GABBR2: variants seen among roughly 807,000 people sequenced by gnomAD.
GABBR2 encodes G-protein coupled receptor 51.
A neutral mutation model predicts 105.6 loss-of-function variants in GABBR2; 23 were observed. That is an observed-to-expected ratio of 0.22 (90% CI 0.16 to 0.31). The LOEUF (loss-of-function observed/expected upper bound fraction) is 0.31, where lower values mean the gene tolerates loss of function less well. Among genes scored for constraint, GABBR2 ranks in the 10% least tolerant of loss-of-function variants. The pLI is 1.00. For synonymous variants in GABBR2, 478 were observed against 499.7 expected, an observed-to-expected ratio of 0.96 and a Z score of 0.58; for missense variants, 734 against 1,245.5, an observed-to-expected ratio of 0.59 and a Z score of 6.18.
intron 12 of GABBR2, among the ~76,000 whole-genome samples, chr9:98,364,310 G>A (rs983940728): frequency 3.3e-5 from 5 of 152,220 alleles, no homozygotes; most frequent in Admixed American, 1.3e-4. Flanking sequence ...GGGATGGGTT[G>A]GAAGGAGCCT....
intron 8 of GABBR2, among the ~76,000 whole-genome samples, chr9:98,396,538 C>T (rs966250913): frequency 4.6e-5 from 7 of 152,326 alleles, no homozygotes; most frequent in African/African-American, 1.7e-4. Flanking sequence ...GGGGGCATCA[C>T]ACTGCGCAAG....
chr9:98,643,231 A>G (rs897774101), intron 1 of GABBR2, among the ~76,000 whole-genome samples: 4 of 152,236 alleles, frequency 2.6e-5, no homozygotes, highest in African/African-American at 9.6e-5. Context: ...GTGAGATCCT[A>G]GCAGAGGGAA....
chr9:98,479,307 A>T (rs952745168), intron 5 of GABBR2, among the ~76,000 whole-genome samples: 3 of 152,192 alleles, frequency 2.0e-5, no homozygotes, highest in African/African-American at 7.2e-5. Context: ...TTCACTGTAC[A>T]TGAGGTACTA....
intron 13 of GABBR2, among the ~76,000 whole-genome samples, chr9:98,346,631 A>T (rs1457233427): frequency 6.6e-6 from 1 of 152,172 alleles, no homozygotes; most frequent in African/African-American, 2.4e-5. Context: ...ATTATAGTTA[A>T]CCGTATTCAT....
At position 98,306,397 on chromosome 9, in the gene GABBR2, A is replaced by G; in HGVS notation, c.2005-52T>C. The stretch of plus-strand genomic sequence containing the variant: ...GATGATCGTTACCAAGGGGTGGCAC[A>G]CACAGGCTGCTCTGAGAAGCTGTGG... On this transcript the variant is annotated intron_variant, in intron 14 of 18. Coordinates refer to ENST00000259455, the MANE Select transcript of GABBR2 (RefSeq NM_005458.8). The surrounding 1 kb of genome is among the most constrained non-coding windows in gnomAD (Gnocchi z 5.4). 1.5e-6 allele frequency: 2 copies of G among 1,307,972 alleles called. No homozygotes were observed. Among genetic ancestry groups the G allele is most frequent in the Non-Finnish European group, 2.2e-6 (2 of 913,270 alleles). 81.0% of individuals were successfully genotyped at this position (1,307,972 alleles called of 1,614,324 possible). A position where few individuals can be genotyped will look rare whatever the true frequency, so the allele number is the denominator to read the frequency against.
intron 1 of GABBR2, among the ~76,000 whole-genome samples, chr9:98,661,251 T>C (rs1026873409): frequency 6.6e-6 from 1 of 152,214 alleles, no homozygotes; most frequent in African/African-American, 2.4e-5. Context: ...CCTTTTGCCA[T>C]GGAAGGCAAC....
rs1479039185 is a variant in GABBR2, at chr9:98,333,501, T to A, written c.1894-22296A>T. On this transcript the variant is annotated intron_variant, in intron 13 of 18. Coordinates refer to ENST00000259455, the MANE Select transcript of GABBR2 (RefSeq NM_005458.8). ...GCTCCCGGTGGCCCCAGGCATTCCA[T>A]GCTGTGGCTGCATCATTCTGCCTCC... is the stretch of plus-strand genomic sequence containing the variant. Among the ~76,000 whole-genome samples, 19 of 152,262 alleles carry A rather than the reference T, an allele frequency of 1.2e-4. No homozygotes were observed. The East Asian group carries it at 3.5e-3, about 28-fold the overall frequency.
chr9:98,525,985 A>T (rs982653790), intron 3 of GABBR2, among the ~76,000 whole-genome samples: 4 of 152,350 alleles, frequency 2.6e-5, no homozygotes, highest in African/African-American at 9.6e-5. Context: ...AAAGTAGATT[A>T]ACAGCTGGGG....
At chr9:98,589,081 T>G (rs1289828547) in intron 1 of GABBR2, among the ~76,000 whole-genome samples, 2 of 152,194 alleles carry the variant, frequency 1.3e-5, no homozygotes, top group African/African-American at 4.8e-5. Context: ...AACCATGGAC[T>G]GAGCATGGCA....
intron 5 of GABBR2, among the ~76,000 whole-genome samples, chr9:98,475,785 G>C (rs931779579): frequency 3.9e-5 from 6 of 152,208 alleles, no homozygotes; most frequent in Non-Finnish European, 7.3e-5. Flanking sequence ...TAGATACAGA[G>C]TGGCTGGGCG....
intron 1 of GABBR2, among the ~76,000 whole-genome samples, chr9:98,652,916 A>G (rs1457316775): frequency 6.6e-6 from 1 of 152,246 alleles, no homozygotes; most frequent in Non-Finnish European, 1.5e-5. Context: ...CACCAGTGCC[A>G]GGCCCCATCT....
At chr9:98,571,071 C>T (rs1828823190) in intron 2 of GABBR2, among the ~76,000 whole-genome samples, 1 of 152,186 alleles carries the variant, frequency 6.6e-6, no homozygotes, top group Non-Finnish European at 1.5e-5. Flanking sequence ...CGGGGGTGGG[C>T]AGACATAGCA....
At position 98,633,944 on chromosome 9, in the gene GABBR2, G is replaced by A. The variant is rs143741724; in HGVS notation, c.322-55872C>T. ...TGGCCTCAGCATGAACATGGTAACC[G>A]GCTTCAGTGCACAGCCACTGAGCTG... On this transcript the variant is annotated intron_variant, in intron 1 of 18. Coordinates refer to ENST00000259455, the MANE Select transcript of GABBR2 (RefSeq NM_005458.8). Among the ~76,000 whole-genome samples the A allele has an allele frequency of 2.0e-4, 30 of 152,246 alleles. 1 individual carries two copies. The East Asian group carries it at 5.4e-3, about 27-fold the overall frequency.
At chr9:98,666,220 T>C (rs974756260) in intron 1 of GABBR2, among the ~76,000 whole-genome samples, 1 of 152,204 alleles carries the variant, frequency 6.6e-6, no homozygotes, top group African/African-American at 2.4e-5. Flanking sequence ...CAGGGTACCA[T>C]GTTCCAGGAA....
At chr9:98,529,854 T>C (rs1441900427) in intron 3 of GABBR2, among the ~76,000 whole-genome samples, 1 of 152,186 alleles carries the variant, frequency 6.6e-6, no homozygotes, top group African/African-American at 2.4e-5. Context: ...AAGTCTCAAC[T>C]TAGAGGCATG....
intron 2 of GABBR2, among the ~76,000 whole-genome samples, chr9:98,555,182 C>CT (rs1241964906): frequency 2.0e-5 from 3 of 152,216 alleles, no homozygotes; most frequent in Non-Finnish European, 2.9e-5. Flanking sequence ...TTCTTACAAT[C>CT]ACACAGGGCC....
At chr9:98,359,813 A>G (rs1831551539) in intron 13 of GABBR2, among the ~76,000 whole-genome samples, 1 of 152,174 alleles carries the variant, frequency 6.6e-6, no homozygotes, top group African/African-American at 2.4e-5. Context: ...TGGCTGAGAC[A>G]TGGCCCTGTC....
chr9:98,395,767 A>C (rs1472051989), intron 8 of GABBR2, among the ~76,000 whole-genome samples: 2 of 151,834 alleles, frequency 1.3e-5, no homozygotes, highest in Non-Finnish European at 2.9e-5. Context: ...AAGCAGATTT[A>C]GGGAAAGGTT....
intron 2 of GABBR2, among the ~76,000 whole-genome samples, chr9:98,569,464 T>C (rs1400972478): frequency 6.6e-6 from 1 of 152,234 alleles, no homozygotes; most frequent in Non-Finnish European, 1.5e-5. Context: ...GAGATCTGCT[T>C]CTAGTAAAGG....
Sources: gnomAD v4.1 joint callset for allele counts (sites outside exome capture counted in the v4.1 genomes callset) on GRCh38, gnomAD v4.1.1 for gene constraint, Gnocchi (gnomAD v3.1) non-coding constraint, MANE v1.5 for transcripts, NCBI Gene and HGNC (gene_info 2026-07-23, HGNC 2026-07-21) for gene names.